Variants in ZNF44 observed in about 807,000 individuals in gnomAD.
The protein encoded by ZNF44 is gonadotropin inducible transcription repressor-2.
Under a neutral mutation model 11.7 loss-of-function variants are expected in ZNF44, and 9 were observed. The ratio of observed to expected loss-of-function variants is 0.77; its 90% CI spans 0.46 to 1.35. The LOEUF (loss-of-function observed/expected upper bound fraction) is 1.35, where lower values mean the gene tolerates loss of function less well. Ranked by LOEUF, ZNF44 falls within the 40% of genes most tolerant of loss-of-function variation. The pLI, the probability that ZNF44 is intolerant of heterozygous loss-of-function variation, is 0.00. For synonymous variants in ZNF44, 224 were observed against 242.7 expected (o/e 0.92, Z 0.72); for missense variants, 696 against 743.1 (o/e 0.94, Z 0.74).
At chr19:12,274,266 CTTTTTTTT>C (rs869093549) in intron 3 of ZNF44, among the ~76,000 whole-genome samples, 96 of 90,226 alleles carry the variant, frequency 1.1e-3, no homozygotes, top group African/African-American at 4.1e-3. Flanking sequence ...ATTCTTAATT[CTTTTTTTT>C]TTTTTTTTTT....
downstream of ZNF44, among the ~76,000 whole-genome samples, chr19:12,269,306 CA>C (rs1966887648): frequency 6.6e-6 from 1 of 152,142 alleles, no homozygotes; most frequent in African/African-American, 2.4e-5. Context: ...AGATGGATCA[CA>C]AGGTCAGGAG....
upstream of ZNF44, among the ~76,000 whole-genome samples, chr19:12,240,289 C>T (rs1320602595): frequency 6.6e-6 from 1 of 151,594 alleles, no homozygotes; most frequent in Middle Eastern, 3.2e-3. Flanking sequence ...ACTAAAAATA[C>T]AAAAAATTAG....
chr19:12,227,794 A>C (rs1278667438), intron 3 of ZNF44, among the ~76,000 whole-genome samples: 1 of 152,228 alleles, frequency 6.6e-6, no homozygotes, highest in Non-Finnish European at 1.5e-5. Context: ...TTATACAAAT[A>C]TAGCCCAAAG....
At chr19:12,255,127 CACA>C (rs1917190342) in intron 5 of ZNF44, among the ~76,000 whole-genome samples, 1 of 145,568 alleles carries the variant, frequency 6.9e-6, no homozygotes, top group African/African-American at 2.5e-5. Context: ...CACACACACA[CACA>C]CACCCCTTTG....
rs1004265518 is a variant in ZNF44, at chr19:12,257,377, C to T, written c.1913-7009G>A. 3.9e-5 allele frequency among the ~76,000 whole-genome samples: 6 copies of T among 152,028 alleles called. 1 individual carries two copies. The South Asian group carries it at 6.2e-4, about 16-fold the overall frequency. On this transcript the variant is annotated intron_variant and NMD_transcript_variant, in intron 5 of 7. Coordinates refer to the ZNF44 transcript ENST00000393337. Reference sequence around the variant, plus strand: ...AGAACAAGCCAAATTAGGCTGGGTGCGGTGGCTCACACCTATAATCCCAGC... The same window carrying T: ...AGAACAAGCCAAATTAGGCTGGGTGTGGTGGCTCACACCTATAATCCCAGC...
intron 1 of ZNF44, among the ~76,000 whole-genome samples, chr19:12,294,009 C>CCAG: frequency 6.6e-6 from 1 of 151,342 alleles, no homozygotes; most frequent in South Asian, 2.1e-4. Flanking sequence ...GAAGCCGCCT[C>CCAG]CCTGAGAGTC....
At chr19:12,250,061 A>C (rs1292990704) in intron 6 of ZNF44, 1 of 1,267,820 alleles carries the variant, frequency 7.9e-7, no homozygotes, top group Non-Finnish European at 1.0e-6. Context: ...CCCAGAAAAA[A>C]TTATCATAAA....
At chr19:12,258,259 A>G (rs901511132) in intron 5 of ZNF44, among the ~76,000 whole-genome samples, 5 of 139,634 alleles carry the variant, frequency 3.6e-5, no homozygotes, top group African/African-American at 1.3e-4. Context: ...TTCAGCCCAG[A>G]TGTTGGAGGC....
At chr19:12,239,672 C>T (rs1045293204), upstream of ZNF44, among the ~76,000 whole-genome samples, 2 of 146,308 alleles carry the variant, frequency 1.4e-5, no homozygotes, top group African/African-American at 5.1e-5. Flanking sequence ...CCTCCCTGTT[C>T]AAGCGATTCT....
intron 2 of ZNF44, among the ~76,000 whole-genome samples, chr19:12,234,396 G>A (rs750621015): frequency 6.6e-6 from 1 of 152,042 alleles, no homozygotes; most frequent in Non-Finnish European, 1.5e-5. Context: ...CTCTTGTGAG[G>A]GCAAATCACC....
intron 3 of ZNF44, among the ~76,000 whole-genome samples, chr19:12,227,567 T>C (rs1484441896): frequency 6.6e-6 from 1 of 152,140 alleles, no homozygotes; most frequent in Non-Finnish European, 1.5e-5. Context: ...GATCGTGCCA[T>C]TGCACTCCAG....
chr19:12,228,098 G>C (rs1915995165), intron 3 of ZNF44, among the ~76,000 whole-genome samples: 1 of 151,982 alleles, frequency 6.6e-6, no homozygotes. Context: ...TTCAACTTTA[G>C]CCAATATGTT....
rs117471313 is a variant in ZNF44, at chr19:12,284,043, C to A, written c.4-7961G>T. Among the ~76,000 whole-genome samples, 631 of 152,180 alleles carry A rather than the reference C, an allele frequency of 4.1e-3. 2 individuals carry two copies. The highest frequency in any genetic ancestry group is 0.01 in the Middle Eastern group (3 of 294). On this transcript the variant is annotated intron_variant, in intron 1 of 3. Coordinates refer to ENST00000355684, the MANE Select transcript of ZNF44 (RefSeq NM_016264.4). ...AAGTAGAATAAATTTAAAAGATAAA[C>A]CACCATCTGAAAGGAAATATTACCA... is the stretch of plus-strand genomic sequence containing the variant.
intron 2 of ZNF44, among the ~76,000 whole-genome samples, chr19:12,231,234 G>A (rs1418049102): frequency 6.6e-6 from 1 of 152,044 alleles, no homozygotes; most frequent in Non-Finnish European, 1.5e-5. Flanking sequence ...TTTGAAAAGT[G>A]GGGACATGGT....
chr19:12,280,624 G>A (rs1323580536), intron 1 of ZNF44, among the ~76,000 whole-genome samples: 1 of 152,092 alleles, frequency 6.6e-6, no homozygotes, highest in Non-Finnish European at 1.5e-5. Flanking sequence ...CCACTTAAAT[G>A]TGTATTATCT....
At chr19:12,265,821 T>G (rs111994352) in intron 5 of ZNF44, among the ~76,000 whole-genome samples, 5 of 152,220 alleles carry the variant, frequency 3.3e-5, no homozygotes, top group African/African-American at 1.2e-4. Flanking sequence ...CACAGTAAGT[T>G]TTCCCTAAAA....
upstream of ZNF44, among the ~76,000 whole-genome samples, chr19:12,239,540 G>A (rs1916533628): frequency 6.8e-6 from 1 of 146,820 alleles, no homozygotes; most frequent in African/African-American, 2.5e-5. Flanking sequence ...ATAGGTGTGA[G>A]CCACCGAGCA....
chr19:12,237,599 C>A (rs778356050), upstream of ZNF44: 1 of 152,966 alleles, frequency 6.5e-6, no homozygotes, highest in South Asian at 1.9e-4. Context: ...CTTAGACTTG[C>A]GGAGCTTGGC....
At chr19:12,231,591 A>G (rs1916166631) in intron 2 of ZNF44, among the ~76,000 whole-genome samples, 1 of 152,176 alleles carries the variant, frequency 6.6e-6, no homozygotes, top group Non-Finnish European at 1.5e-5. Context: ...GAAATGGGGA[A>G]ATGGAGGTGA....
Sources: allele counts gnomAD v4.1 joint callset (sites outside exome capture counted in the v4.1 genomes callset), GRCh38; gene constraint gnomAD v4.1.1; transcripts MANE v1.5; gene names NCBI Gene and HGNC (gene_info 2026-07-23, HGNC 2026-07-21).